IL34: variants seen among roughly 807,000 people sequenced by gnomAD.
IL34 encodes interleukin 34.
In IL34, 17 loss-of-function variants were observed where a neutral mutation model predicts 25.3. That is an observed-to-expected ratio of 0.67 (90% CI 0.46 to 1.01). IL34 has a LOEUF of 1.01. Among genes scored for constraint, IL34 ranks in the 50% least tolerant of loss-of-function variants. The pLI is 0.00. For missense variants in IL34, 368 were observed against 312.9 expected, an observed-to-expected ratio of 1.18 and a Z score of -1.33; for synonymous variants, 174 against 140.9, an observed-to-expected ratio of 1.23 and a Z score of -1.66.
At chr16:70,618,844 C>A (rs933991333) in intron 1 of IL34, among the ~76,000 whole-genome samples, 4 of 152,090 alleles carry the variant, frequency 2.6e-5, no homozygotes, top group African/African-American at 9.7e-5. Context: ...AGCTTTGCAG[C>A]AGTACAGCCT....
chr16:70,620,000 G>C (rs1330082995), intron 1 of IL34, among the ~76,000 whole-genome samples: 1 of 151,988 alleles, frequency 6.6e-6, no homozygotes, highest in Admixed American at 6.6e-5. Context: ...GTTCTTGTGT[G>C]CTGGAGATGT....
At chr16:70,597,407 G>C (rs1468812209) in intron 1 of IL34, among the ~76,000 whole-genome samples, 1 of 151,958 alleles carries the variant, frequency 6.6e-6, no homozygotes, top group Non-Finnish European at 1.5e-5. Flanking sequence ...TTTTCGTAGA[G>C]ATGGGGTCTC....
intron 2 of IL34, 88 bp downstream of exon 2, chr16:70,654,759 G>T: frequency 1.3e-6 from 2 of 1,482,182 alleles, no homozygotes; most frequent in Non-Finnish European, 1.8e-6. Context: ...GCCCTTCTTA[G>T]GACCTGTGTC....
chr16:70,659,087 G>A (rs775787808), intron 4 of IL34, among the ~76,000 whole-genome samples: 4 of 152,108 alleles, frequency 2.6e-5, no homozygotes, highest in Non-Finnish European at 4.4e-5. Context: ...CTGACCTCCT[G>A]TTCAGGGACT....
At chr16:70,598,996 G>A (rs1009682034) in intron 1 of IL34, among the ~76,000 whole-genome samples, 1 of 152,178 alleles carries the variant, frequency 6.6e-6, no homozygotes, top group Non-Finnish European at 1.5e-5. Context: ...TTATAGATTA[G>A]AGGCATTATC....
intron 4 of IL34, among the ~76,000 whole-genome samples, chr16:70,659,072 TGG>T (rs1369743975): frequency 6.6e-6 from 1 of 152,138 alleles, no homozygotes; most frequent in Admixed American, 6.5e-5. Flanking sequence ...CTTTCTACAG[TGG>T]CCCTGACCTC....
At chr16:70,644,990 AAGG>A (rs1014765080), upstream of IL34, among the ~76,000 whole-genome samples, 16 of 140,812 alleles carry the variant, frequency 1.1e-4, no homozygotes, top group South Asian at 2.7e-3. Flanking sequence ...GAGTAGGAGG[AAGG>A]AGGAAGAAGA....
At chr16:70,649,342 C>T (rs913078559) in intron 1 of IL34, among the ~76,000 whole-genome samples, 1 of 152,146 alleles carries the variant, frequency 6.6e-6, no homozygotes, top group Admixed American at 6.5e-5. Flanking sequence ...GCAGACATTT[C>T]TAGGGAAGGG....
At chr16:70,655,052 A>G (rs1322392687) in intron 2 of IL34, among the ~76,000 whole-genome samples, 2 of 148,520 alleles carry the variant, frequency 1.3e-5, no homozygotes, top group African/African-American at 2.6e-5. Context: ...GTGTGGCTCT[A>G]TGTATCTTTT....
chr16:70,619,226 G>A (rs983042222), intron 1 of IL34, among the ~76,000 whole-genome samples: 74 of 152,094 alleles, frequency 4.9e-4, no homozygotes, highest in African/African-American at 1.7e-3. Context: ...GGCGTTGAGT[G>A]GGGTAAGGGT....
chr16:70,614,259 T>C (rs759162231), intron 1 of IL34, among the ~76,000 whole-genome samples: 2 of 151,868 alleles, frequency 1.3e-5, no homozygotes, highest in Non-Finnish European at 2.9e-5. Flanking sequence ...TTTAACAAGA[T>C]TCCAGGTAAT....
intron 1 of IL34, among the ~76,000 whole-genome samples, chr16:70,633,877 G>A (rs1036059567): frequency 1.3e-5 from 2 of 151,590 alleles, no homozygotes; most frequent in African/African-American, 4.9e-5. Flanking sequence ...TTGAGACAGA[G>A]TCTCGCATTG....
chr16:70,616,378 C>T (rs2151832043), intron 1 of IL34, among the ~76,000 whole-genome samples: 1 of 152,196 alleles, frequency 6.6e-6, no homozygotes, highest in Non-Finnish European at 1.5e-5. Flanking sequence ...GGATTTTTAC[C>T]AATCTGATAG....
intron 1 of IL34, among the ~76,000 whole-genome samples, chr16:70,648,421 C>T (rs2051994468): frequency 6.6e-6 from 1 of 151,886 alleles, no homozygotes; most frequent in Admixed American, 6.6e-5. Flanking sequence ...GGTGTGGTGG[C>T]ATACATCTGT....
chr16:70,623,337 G>A (rs1050094719), intron 1 of IL34, among the ~76,000 whole-genome samples: 1 of 152,026 alleles, frequency 6.6e-6, no homozygotes, highest in African/African-American at 2.4e-5. Context: ...GAGTATATGG[G>A]TTTGACACCA....
At chr16:70,604,835 C>G (rs1256157907) in intron 1 of IL34, among the ~76,000 whole-genome samples, 1 of 152,002 alleles carries the variant, frequency 6.6e-6, no homozygotes, top group Admixed American at 6.6e-5. Flanking sequence ...AAAGGTAGCC[C>G]CTTGGAGAGG....
intron 1 of IL34, among the ~76,000 whole-genome samples, chr16:70,618,182 G>A (rs527926918): frequency 0.098 from 14,907 of 151,790 alleles, 2,112 homozygotes; most frequent in African/African-American, 0.32. Flanking sequence ...CTATAGCATA[G>A]CCTGCCTTTG....
chr16:70,591,274 C>T (rs1054239566), intron 1 of IL34, among the ~76,000 whole-genome samples: 1 of 152,168 alleles, frequency 6.6e-6, no homozygotes. Context: ...CCAACCTGGC[C>T]CCTGATAGGC....
chr16:70,590,393 G>A (rs774365927), intron 1 of IL34, among the ~76,000 whole-genome samples: 38 of 152,232 alleles, frequency 2.5e-4, no homozygotes, highest in African/African-American at 3.4e-4. Flanking sequence ...CCCCATTAGC[G>A]GAGGCAGGTA....
Sources: allele counts gnomAD v4.1 joint callset (sites outside exome capture counted in the v4.1 genomes callset), GRCh38; gene constraint gnomAD v4.1.1; transcripts MANE v1.5; gene names NCBI Gene and HGNC (gene_info 2026-07-23, HGNC 2026-07-21).